The following FAM228A variants were observed in gnomAD, a reference collection of about 807,000 sequenced individuals.
FAM228A encodes the protein family with sequence similarity 228 member A.
In FAM228A, 13 loss-of-function variants were observed where a neutral mutation model predicts 18.6. The ratio of observed to expected loss-of-function variants is 0.70; its 90% CI spans 0.45 to 1.11. The LOEUF is 1.11. Ranked by LOEUF, FAM228A falls within the 50% of genes least tolerant of loss-of-function variation. The pLI, the probability that FAM228A is intolerant of heterozygous loss-of-function variation, is 0.00. For synonymous variants in FAM228A, 77 were observed against 86.6 expected, an observed-to-expected ratio of 0.89 and a Z score of 0.61; for missense variants, 240 against 242.2, an observed-to-expected ratio of 0.99 and a Z score of 0.06.
chr2:24,178,925 C>T (rs1423219794), intron 3 of FAM228A, among the ~76,000 whole-genome samples: 3 of 152,222 alleles, frequency 2.0e-5, no homozygotes, highest in African/African-American at 7.2e-5. Context: ...TTCTTCTGCT[C>T]TGTGTTCCCA....
Position 24,191,534 on chromosome 2 carries a change from T to G in FAM228A, c.*903T>G. 2.1e-5 allele frequency: 20 copies of G among 972,332 alleles called. No individual in the cohort carries two copies. Among genetic ancestry groups the G allele is most frequent in the Non-Finnish European group, 2.3e-5 (19 of 817,884 alleles). The allele number at this position is 972,332 out of a possible 1,614,324, so 60.2% of individuals were successfully genotyped here. On this transcript the variant is annotated 3_prime_UTR_variant, in exon 6 of 6. Coordinates refer to ENST00000295150, the MANE Select transcript of FAM228A (RefSeq NM_001040710.3). ...CCATGTATTTTTCAAATATTCAAGA[T>G]GTACAACGTGATGATTTGCTATAGG...
Position 24,183,593 on chromosome 2 carries a change from A to G in FAM228A, c.349A>G (p.Lys117Glu), listed in dbSNP as rs752299678. 2 of 1,614,000 alleles carry G rather than the reference A, an allele frequency of 1.2e-6. No individual in the cohort carries two copies. The highest frequency in any genetic ancestry group is 1.7e-5 in the Admixed American group (1 of 60,004). ...FTFTSHCVIP[K>E]EWHKASARAR... Reference sequence around the variant, plus strand: ...TTTCACTTCACACTGTGTGATTCCAAAAGAGTGGCATAAAGCCTCTGCAAG... The same window carrying G: ...TTTCACTTCACACTGTGTGATTCCAGAAGAGTGGCATAAAGCCTCTGCAAG... The change falls in exon 5 of 6, where the codon AAA becomes GAA. Residue 117 changes from lysine (K) to glutamate (E), a missense_variant. Physicochemically the swap from Lys to Glu is moderately conservative, Grantham distance 56. Transcript: ENST00000295150.
rs1039353096 is a variant in FAM228A, at chr2:24,191,391, C to T, written c.*760C>T. 8 of 985,352 alleles carry T rather than the reference C, an allele frequency of 8.1e-6. No individual in the cohort carries two copies. The highest frequency in any genetic ancestry group is 1.0e-3 in the Middle Eastern group (2 of 1,936). 61.0% of individuals were successfully genotyped at this position (985,352 alleles called of 1,614,324 possible). ...TGACCCAGCTCCTGCTCAGTCCCAT[C>T]GCTGTCCCCGGTCTCTCCAGGGAGT... is the stretch of plus-strand genomic sequence containing the variant. On this transcript the variant is annotated 3_prime_UTR_variant, in exon 6 of 6. Transcript: ENST00000295150.
chr2:24,179,412 T>C (rs1446012864), intron 3 of FAM228A: 2 of 200,986 alleles, frequency 1.0e-5, no homozygotes, highest in Admixed American at 6.2e-5. Context: ...GTTCATTGAA[T>C]TGTAACACAC....
intron 3 of FAM228A, among the ~76,000 whole-genome samples, chr2:24,182,605 A>G (rs1026046835): frequency 1.3e-5 from 2 of 152,032 alleles, no homozygotes; most frequent in Non-Finnish European, 2.9e-5. Flanking sequence ...ACAGGCCCTT[A>G]CGGACCAGTT....
intron 1 of FAM228A, 38 bp from the exon 2 acceptor site, chr2:24,175,429 C>T (rs1254737547): frequency 1.0e-5 from 15 of 1,457,892 alleles, no homozygotes; most frequent in Admixed American, 3.3e-5. Context: ...CAACGGTAAC[C>T]GTCTTCCTCA....
Position 24,191,587 on chromosome 2 carries a change from C to A in FAM228A, c.*956C>A. On this transcript the variant is annotated 3_prime_UTR_variant, in exon 6 of 6. Transcript: ENST00000295150. Reference sequence around the variant, plus strand: ...TTCATTGTGAAATGTTTGCCACAGTCAAGCTTGTTGACATACCCACCAGCT... The same window carrying A: ...TTCATTGTGAAATGTTTGCCACAGTAAAGCTTGTTGACATACCCACCAGCT... 1 of 794,646 alleles carries A rather than the reference C, an allele frequency of 1.3e-6. No individual in the cohort carries two copies. The highest frequency in any genetic ancestry group is 1.5e-6 in the Non-Finnish European group (1 of 655,148). 49.2% of individuals were successfully genotyped at this position (794,646 alleles called of 1,614,324 possible). A position where few individuals can be genotyped will look rare whatever the true frequency, so the allele number is the denominator to read the frequency against.
intron 5 of FAM228A, among the ~76,000 whole-genome samples, chr2:24,189,838 G>A (rs1668037790): frequency 6.6e-6 from 1 of 152,102 alleles, no homozygotes; most frequent in South Asian, 2.1e-4. Flanking sequence ...GGAAAGGCGG[G>A]AGGGGGCTCG....
intron 3 of FAM228A, among the ~76,000 whole-genome samples, chr2:24,178,885 G>A (rs977314597): frequency 1.3e-5 from 2 of 152,180 alleles, no homozygotes; most frequent in African/African-American, 4.8e-5. Flanking sequence ...AAATCTGAAG[G>A]CACAGTTATG....
At chr2:24,175,598 C>T (rs1438962073) in intron 2 of FAM228A, 25 bp downstream of exon 2, 1 of 1,567,190 alleles carries the variant, frequency 6.4e-7, no homozygotes. Flanking sequence ...CGTTTTGAGA[C>T]GTCATTTTGG....
chr2:24,184,339 C>A (rs1335087557), intron 5 of FAM228A, among the ~76,000 whole-genome samples: 1 of 150,228 alleles, frequency 6.7e-6, no homozygotes, highest in Non-Finnish European at 1.5e-5. Flanking sequence ...GAGATCATGC[C>A]ACTGCACTCC....
At chr2:24,179,501 G>A (rs921330651) in intron 3 of FAM228A, among the ~76,000 whole-genome samples, 3 of 152,214 alleles carry the variant, frequency 2.0e-5, no homozygotes, top group African/African-American at 7.2e-5. Flanking sequence ...TGATTTTTAT[G>A]TAGACGTTAA....
intron 5 of FAM228A, among the ~76,000 whole-genome samples, chr2:24,184,392 A>G (rs922507721): frequency 2.6e-5 from 4 of 152,080 alleles, no homozygotes; most frequent in African/African-American, 9.7e-5. Context: ...AAAAAAAAAA[A>G]AAGATACAGC....
intron 5 of FAM228A, among the ~76,000 whole-genome samples, chr2:24,189,140 G>A (rs1459190620): frequency 2.0e-5 from 3 of 152,016 alleles, no homozygotes; most frequent in Non-Finnish European, 2.9e-5. Context: ...CCTTCAGGCT[G>A]GTCTCCTCCA....
chr2:24,188,405 C>G, intron 5 of FAM228A: 3 of 984,906 alleles, frequency 3.0e-6, no homozygotes, highest in Non-Finnish European at 3.6e-6. Flanking sequence ...TTCCCCCTCC[C>G]CACCCCTCCT....
At chr2:24,188,139 C>G (rs1211821086) in intron 5 of FAM228A, among the ~76,000 whole-genome samples, 2 of 152,074 alleles carry the variant, frequency 1.3e-5, no homozygotes, top group African/African-American at 4.8e-5. Flanking sequence ...TCCTTTTTGT[C>G]TTTCCATGTT....
At position 24,177,738 on chromosome 2, in the gene FAM228A, AGTT is replaced by A. The variant is rs1315601093; in HGVS notation, c.94-63_94-61del. 1.0e-4 allele frequency: 94 copies of A among 913,296 alleles called. No individual in the cohort carries two copies. The African/African-American group carries it at 1.5e-3, about 14-fold the overall frequency. The allele number at this position is 913,296 out of a possible 1,614,324, so 56.6% of individuals were successfully genotyped here. A position where few individuals can be genotyped will look rare whatever the true frequency, so the allele number is the denominator to read the frequency against. On this transcript the variant is annotated intron_variant, in intron 2 of 5. Coordinates refer to ENST00000295150, the MANE Select transcript of FAM228A (RefSeq NM_001040710.3). ...CTAAAACTATTGGTAAAGTACACTG[AGTT>A]TTGTCATTGTAGTTTGTTTCTTCAG... is the stretch of plus-strand genomic sequence containing the variant.
Position 24,190,715 on chromosome 2 carries a change from G to T in FAM228A, c.*84G>T. 2 of 1,443,468 alleles carry T rather than the reference G, an allele frequency of 1.4e-6. No individual in the cohort carries two copies. The highest frequency in any genetic ancestry group is 1.8e-6 in the Non-Finnish European group (2 of 1,096,526). 89.4% of individuals were successfully genotyped at this position (1,443,468 alleles called of 1,614,324 possible). ...AAGAAGAAGGGTGTGAAGAGGAGGA[G>T]GGAGAAATGGCGGTGGCCTCAGGCT... On this transcript the variant is annotated 3_prime_UTR_variant, in exon 6 of 6. Coordinates refer to ENST00000295150, the MANE Select transcript of FAM228A (RefSeq NM_001040710.3).
intron 3 of FAM228A, among the ~76,000 whole-genome samples, chr2:24,178,614 T>C (rs1291610011): frequency 6.6e-6 from 1 of 152,144 alleles, no homozygotes. Flanking sequence ...TGAATTGTGA[T>C]TTACAATGTG....
Sources: gnomAD v4.1 joint callset for allele counts (sites outside exome capture counted in the v4.1 genomes callset) on GRCh38, gnomAD v4.1.1 for gene constraint, MANE v1.5 for transcripts, NCBI Gene and HGNC (gene_info 2026-07-23, HGNC 2026-07-21) for gene names.